CNTNAP2: variants seen among roughly 807,000 people sequenced by gnomAD.
The protein encoded by CNTNAP2 is contactin associated protein 2, also known as contactin-associated protein-like 2.
A neutral mutation model predicts 155.2 loss-of-function variants in CNTNAP2; 98 were observed. That is an observed-to-expected ratio of 0.63 (90% CI 0.54 to 0.75). CNTNAP2 has a LOEUF of 0.75. Ranked by LOEUF, CNTNAP2 falls within the 30% of genes least tolerant of loss-of-function variation. The pLI, the probability that CNTNAP2 is intolerant of heterozygous loss-of-function variation, is 0.00. For missense variants in CNTNAP2, 1,727 were observed against 1,688.1 expected, an observed-to-expected ratio of 1.02 and a Z score of -0.40; for synonymous variants, 651 against 631.2, an observed-to-expected ratio of 1.03 and a Z score of -0.47.
chr7:148,122,267 T>A (rs1322523147), intron 16 of CNTNAP2, among the ~76,000 whole-genome samples: 1 of 152,178 alleles, frequency 6.6e-6, no homozygotes, highest in East Asian at 1.9e-4. Context: ...TCATTGCTGC[T>A]AACCTTAAAG....
At chr7:147,761,133 A>G (rs182199946) in intron 13 of CNTNAP2, among the ~76,000 whole-genome samples, 47 of 152,340 alleles carry the variant, frequency 3.1e-4, no homozygotes, top group Non-Finnish European at 5.4e-4. Flanking sequence ...CTTTGAAAAT[A>G]CTAACATAAG....
intron 3 of CNTNAP2, among the ~76,000 whole-genome samples, chr7:146,935,236 T>G (rs571719533): frequency 1.3e-5 from 2 of 152,268 alleles, no homozygotes; most frequent in South Asian, 2.1e-4. Flanking sequence ...TTTGAGTAAT[T>G]TTTCCCCTTG....
chr7:146,538,486 A>C (rs1011512045), intron 1 of CNTNAP2, among the ~76,000 whole-genome samples: 3 of 152,068 alleles, frequency 2.0e-5, no homozygotes, highest in African/African-American at 7.2e-5. Flanking sequence ...CCATAGCCAC[A>C]GTGGGCAATC....
At chr7:146,770,273 A>G (rs1802269370) in intron 1 of CNTNAP2, among the ~76,000 whole-genome samples, 1 of 151,642 alleles carries the variant, frequency 6.6e-6, no homozygotes, top group African/African-American at 2.4e-5. Flanking sequence ...ATATATACAA[A>G]TGGAATGTAG....
intron 1 of CNTNAP2, among the ~76,000 whole-genome samples, chr7:146,748,960 A>G (rs765113290): frequency 6.6e-6 from 1 of 152,186 alleles, no homozygotes; most frequent in Non-Finnish European, 1.5e-5. Context: ...AGTTTTTGGA[A>G]AGCTATTAAA....
intron 1 of CNTNAP2, among the ~76,000 whole-genome samples, chr7:146,201,697 TAAGG>T (rs1171149408): frequency 6.6e-6 from 1 of 151,396 alleles, no homozygotes; most frequent in Non-Finnish European, 1.5e-5. Flanking sequence ...AAATATTTAT[TAAGG>T]AAGAACTGAA....
chr7:147,083,610 A>G (rs1379280659), intron 4 of CNTNAP2, among the ~76,000 whole-genome samples: 1 of 145,920 alleles, frequency 6.9e-6, no homozygotes, highest in Non-Finnish European at 1.5e-5. Context: ...CTATAATGCT[A>G]TATATAAAAA....
rs186269283 is a variant in CNTNAP2 at position 146,529,920 on chromosome 7, G to A, written c.98-244351G>A. ...GCAGAGGTTGCAGTGAGCCGAGATC[G>A]TGCCACTGCACTCTAGCCTGGTGAC... is the stretch of plus-strand genomic sequence containing the variant. On this transcript the variant is annotated intron_variant, in intron 1 of 23. Transcript: ENST00000361727. Among the ~76,000 whole-genome samples the A allele has an allele frequency of 2.5e-3, 383 of 152,126 alleles. 4 individuals are homozygous for A. Among genetic ancestry groups the A allele is most frequent in the African/African-American group, 8.4e-3 (349 of 41,514 alleles).
chr7:146,304,161 G>T (rs1800665711), intron 1 of CNTNAP2, among the ~76,000 whole-genome samples: 1 of 145,786 alleles, frequency 6.9e-6, no homozygotes. Flanking sequence ...GCCTATGTGT[G>T]TCTCTGCATG....
intron 21 of CNTNAP2, among the ~76,000 whole-genome samples, chr7:148,342,482 G>A (rs1025210468): frequency 1.3e-5 from 2 of 152,192 alleles, no homozygotes; most frequent in African/African-American, 4.8e-5. Flanking sequence ...ACTTCAGAGG[G>A]TTTTGGGAAC....
chr7:146,204,958 A>G (rs1055911813), intron 1 of CNTNAP2, among the ~76,000 whole-genome samples: 1 of 152,090 alleles, frequency 6.6e-6, no homozygotes, highest in African/African-American at 2.4e-5. Context: ...TCTCCAAGAG[A>G]TAAAATAAGG....
At chr7:146,396,869 TACTTA>T (rs1003219679) in intron 1 of CNTNAP2, among the ~76,000 whole-genome samples, 2 of 152,070 alleles carry the variant, frequency 1.3e-5, no homozygotes, top group African/African-American at 4.8e-5. Context: ...ATAACAATAA[TACTTA>T]ACTTGTAAAA....
At chr7:147,756,824 C>A (rs1195351428) in intron 13 of CNTNAP2, among the ~76,000 whole-genome samples, 1 of 152,092 alleles carries the variant, frequency 6.6e-6, no homozygotes, top group Non-Finnish European at 1.5e-5. Context: ...AAGAAATAAA[C>A]CCTTCATCAG....
At chr7:147,029,552 T>G (rs1798988098) in intron 3 of CNTNAP2, among the ~76,000 whole-genome samples, 1 of 151,036 alleles carries the variant, frequency 6.6e-6, no homozygotes, top group Admixed American at 6.6e-5. Context: ...AAAAAGGGTT[T>G]TTTTTTTTTC....
intron 5 of CNTNAP2, among the ~76,000 whole-genome samples, chr7:147,110,188 G>A (rs1309061603): frequency 1.3e-5 from 2 of 152,116 alleles, no homozygotes; most frequent in African/African-American, 4.8e-5. Flanking sequence ...GCCTTCCAAA[G>A]TGCTGGGATT....
intron 1 of CNTNAP2, among the ~76,000 whole-genome samples, chr7:146,257,512 A>G (rs1584831598): frequency 6.6e-6 from 1 of 152,182 alleles, no homozygotes; most frequent in South Asian, 2.1e-4. Flanking sequence ...TAAAAGGATT[A>G]TGTCTCTTGG....
intron 1 of CNTNAP2, among the ~76,000 whole-genome samples, chr7:146,647,136 A>G (rs552614813): frequency 6.6e-6 from 1 of 152,234 alleles, no homozygotes; most frequent in Non-Finnish European, 1.5e-5. Context: ...AGGCAGGTAA[A>G]TCCCAGGAGC....
intron 9 of CNTNAP2, among the ~76,000 whole-genome samples, chr7:147,359,529 A>T (rs1372995246): frequency 6.6e-6 from 1 of 151,692 alleles, no homozygotes; most frequent in African/African-American, 2.4e-5. Context: ...AAGAAGTCAC[A>T]TCCTTGAATC....
At chr7:146,786,278 A>T (rs1354713501) in intron 2 of CNTNAP2, among the ~76,000 whole-genome samples, 1 of 152,186 alleles carries the variant, frequency 6.6e-6, no homozygotes, top group Non-Finnish European at 1.5e-5. Context: ...AGACCAAATT[A>T]TTTCCAAGAC....
Sources: gnomAD v4.1 joint callset for allele counts (sites outside exome capture counted in the v4.1 genomes callset) on GRCh38, gnomAD v4.1.1 for gene constraint, MANE v1.5 for transcripts, NCBI Gene and HGNC (gene_info 2026-07-23, HGNC 2026-07-21) for gene names.